The following FHIP1B variants were observed in gnomAD, a reference collection of about 807,000 sequenced individuals.
FHIP1B encodes the protein FHF complex subunit HOOK interacting protein 1B.
A neutral mutation model predicts 82.2 loss-of-function variants in FHIP1B; 28 were observed. The observed-to-expected ratio is 0.34, with a 90% CI of 0.25 to 0.47. The LOEUF is 0.47. FHIP1B is among the 20% of genes least tolerant of loss of function. The pLI, the probability that FHIP1B is intolerant of heterozygous loss-of-function variation, is 1.00. For synonymous variants in FHIP1B, 585 were observed against 516.1 expected (o/e 1.13, Z -1.81); for missense variants, 1,110 against 1,262.6 (o/e 0.88, Z 1.83).
At chr11:6,215,182 C>G in intron 9 of FHIP1B, 1 of 332,002 alleles carries the variant, frequency 3.0e-6, no homozygotes, top group Admixed American at 4.8e-5. Flanking sequence ...TCTGGTTTCA[C>G]TGGCTTTGCC....
Position 6,224,449 on chromosome 11 carries a change from G to A in FHIP1B, c.68C>T (p.Ala23Val), listed in dbSNP as rs769056724. 1 of 1,614,006 alleles carries A rather than the reference G, an allele frequency of 6.2e-7. No individual in the cohort carries two copies. The highest frequency in any genetic ancestry group is 1.7e-5 in the Admixed American group (1 of 60,008). ...AGCCATGACTGGGGTTTGGAGATTG[G>A]CCCCTTGAGGTATACGGTGCCCAGG... is the stretch of plus-strand genomic sequence containing the variant. The part of the protein sequence containing the change: ...RGPGHRIPQG[A>V]NLQTPVMADP... The change falls in exon 2 of 12, where the codon GCC becomes GTC. Residue 23 changes from alanine to valine, a missense_variant. Ala to Val is a moderately conservative substitution (Grantham distance 64). Coordinates refer to ENST00000449352, the MANE Select transcript of FHIP1B (RefSeq NM_001098794.2).
In FHIP1B at chr11:6,223,308, TAGTAATCCAG is replaced by T; in HGVS notation, c.778-80_778-71del. The T allele has an allele frequency of 6.7e-7, 1 of 1,482,830 alleles. No homozygotes were observed. The highest frequency in any genetic ancestry group is 2.2e-5 in the Admixed American group (1 of 44,450). 91.9% of individuals were successfully genotyped at this position (1,482,830 alleles called of 1,614,324 possible). A position where few individuals can be genotyped will look rare whatever the true frequency, so the allele number is the denominator to read the frequency against. ...AATATAAAAACTGGAACAGGGGAGC[TAGTAATCCAG>T]AGTTTTGATGGGAATAGGGGTATAA... On this transcript the variant is annotated intron_variant, in intron 3 of 11. Transcript: ENST00000449352. The surrounding 1 kb of genome is among the most constrained non-coding windows in gnomAD (Gnocchi z 4.8).
At chr11:6,212,013 A>C in intron 11 of FHIP1B, 146 bp from the exon 12 acceptor site, 1 of 1,389,528 alleles carries the variant, frequency 7.2e-7, no homozygotes, top group Non-Finnish European at 9.3e-7. Context: ...TGGACCAGAA[A>C]TGAACCTCAG....
chr11:6,219,130 C>CA, intron 6 of FHIP1B, 80 bp from the exon 7 acceptor site: 1 of 1,203,216 alleles, frequency 8.3e-7, no homozygotes, highest in Non-Finnish European at 1.2e-6. Flanking sequence ...GGAACCCCAC[C>CA]AGCCCCAAGT....
rs1437146371 is a variant in FHIP1B, at chr11:6,214,910, G to A, written c.2217C>T (p.Gly739=). The A allele has an allele frequency of 3.8e-6, 6 of 1,562,656 alleles. No individual in the cohort carries two copies. Among genetic ancestry groups the A allele is most frequent in the Non-Finnish European group, 5.2e-6 (6 of 1,151,546 alleles). ...LNQLPSQPFT[G]PFMAVLFAKL... ...TGGCAAAGAGCACAGCCATGAAGGGGCCTGGGTTGGGGGGGAGGTGGGCAC... is the reference window on the plus strand; with the variant it reads ...TGGCAAAGAGCACAGCCATGAAGGGACCTGGGTTGGGGGGGAGGTGGGCAC... The change falls in exon 10 of 12, where the codon GGC becomes GGT. Residue 739 remains glycine (G), a splice_region_variant and synonymous_variant. Coordinates refer to ENST00000449352, the MANE Select transcript of FHIP1B (RefSeq NM_001098794.2).
rs778421185 is a variant in FHIP1B at position 6,224,048 on chromosome 11, C to T, written c.339G>A (p.Gln113=). 8 of 1,613,342 alleles carry T rather than the reference C, an allele frequency of 5.0e-6. No individual in the cohort carries two copies. The Admixed American group carries it at 1.2e-4, about 24-fold the overall frequency. ...EDLLTRVLTW[Q]LQWDELGDGV... is the part of the protein sequence containing the mutation. ...CATCCCCAAGCTCATCCCATTGCAG[C>T]TGCCATGTCAACACACGGGTCAGCA... Residue 113 remains glutamine, a synonymous_variant, in exon 3 of 12, where the codon CAG becomes CAA. Transcript: ENST00000449352.
chr11:6,227,675 T>G (rs150762828), intron 1 of FHIP1B, among the ~76,000 whole-genome samples: 4 of 152,138 alleles, frequency 2.6e-5, no homozygotes, highest in Non-Finnish European at 5.9e-5. Flanking sequence ...TAGCAGCTTA[T>G]AGACAACTAT....
At position 6,221,776 on chromosome 11, in the gene FHIP1B, A is replaced by T. The variant is rs147119797; in HGVS notation, c.1191+666T>A. Reference sequence around the variant, plus strand: ...TTCCTTGGCCACCCTATTATTTCTAAGCACTCTAGTTTTTTCATAACCCTG... The same window carrying T: ...TTCCTTGGCCACCCTATTATTTCTATGCACTCTAGTTTTTTCATAACCCTG... On this transcript the variant is annotated intron_variant, in intron 6 of 11. Transcript: ENST00000449352. Among the ~76,000 whole-genome samples the T allele has an allele frequency of 1.9e-3, 287 of 152,218 alleles. 1 individual carries two copies. Among genetic ancestry groups the T allele is most frequent in the African/African-American group, 6.8e-3 (281 of 41,532 alleles).
chr11:6,233,136 G>A (rs1487964504), intron 1 of FHIP1B, among the ~76,000 whole-genome samples: 3 of 152,190 alleles, frequency 2.0e-5, no homozygotes, highest in Admixed American at 2.0e-4. Flanking sequence ...CTGGACTCCA[G>A]AAAGAAGCAA....
rs773466546 is a variant in FHIP1B at position 6,223,221 on chromosome 11, G to C, written c.795C>G (p.Leu265=). ...SYFCPVLATG[L]SALYSSLPRK... is the part of the protein sequence containing the mutation. ...GAGGCAGTGATGAGTACAGGGCACTGAGCCCTGTGGCCAGCACCTATGAGA... is the reference window on the plus strand; with the variant it reads ...GAGGCAGTGATGAGTACAGGGCACTCAGCCCTGTGGCCAGCACCTATGAGA... Residue 265 remains leucine (L), a synonymous_variant, in exon 4 of 12, where the codon CTC becomes CTG. Coordinates refer to ENST00000449352, the MANE Select transcript of FHIP1B (RefSeq NM_001098794.2). This position sits in a 1 kb window ranked among gnomAD's most constrained non-coding sequence, Gnocchi z 4.8. 2 of 1,589,142 alleles carry C rather than the reference G, an allele frequency of 1.3e-6. No homozygotes were observed. Among genetic ancestry groups the C allele is most frequent in the Non-Finnish European group, 1.7e-6 (2 of 1,174,260 alleles).
intron 1 of FHIP1B, among the ~76,000 whole-genome samples, chr11:6,230,259 C>A (rs1336281583): frequency 6.6e-6 from 1 of 152,158 alleles, no homozygotes; most frequent in Non-Finnish European, 1.5e-5. Flanking sequence ...ACCTGCAACA[C>A]CTACATTGGA....
Position 6,214,504 on chromosome 11 carries a change from A to G in FHIP1B, c.2464T>C (p.Ser822Pro). The change falls in exon 11 of 12, where the codon TCC becomes CCC. Residue 822 changes from serine (S) to proline (P), a missense_variant. Around this residue, in one of 6 missense-constraint regions of FHIP1B, gnomAD observed 147 missense variants for 154.0 expected, o/e 0.95. Coordinates refer to ENST00000449352, the MANE Select transcript of FHIP1B (RefSeq NM_001098794.2). Reference protein sequence around the residue: ...ASQEDFPALLSKAKKYLIARG... With the variant: ...ASQEDFPALLPKAKKYLIARG... Reference sequence around the variant, plus strand: ...GCAATGAGGTACTTCTTGGCTTTGGACAGCAGTGCTGGGAAGTCCTCCTGG... The same window carrying G: ...GCAATGAGGTACTTCTTGGCTTTGGGCAGCAGTGCTGGGAAGTCCTCCTGG... 1 of 1,614,186 alleles carries G rather than the reference A, an allele frequency of 6.2e-7. No individual in the cohort carries two copies. Among genetic ancestry groups the G allele is most frequent in the South Asian group, 1.1e-5 (1 of 91,092 alleles).
At chr11:6,212,976 T>G (rs1449210022) in intron 11 of FHIP1B, among the ~76,000 whole-genome samples, 1 of 152,222 alleles carries the variant, frequency 6.6e-6, no homozygotes, top group Non-Finnish European at 1.5e-5. Flanking sequence ...TGTCTTCCAC[T>G]GACTCCCAAT....
chr11:6,221,065 G>A (rs959414290), intron 6 of FHIP1B, among the ~76,000 whole-genome samples: 1 of 152,180 alleles, frequency 6.6e-6, no homozygotes, highest in Non-Finnish European at 1.5e-5. Flanking sequence ...CTGAGGTAGA[G>A]CTCAGAATCT....
chr11:6,215,040 T>A, intron 9 of FHIP1B, 129 bp from the exon 10 acceptor site: 1 of 915,782 alleles, frequency 1.1e-6, no homozygotes. Context: ...TGGGTATGTT[T>A]AAATATCCCG....
At position 6,223,258 on chromosome 11, in the gene FHIP1B, G is replaced by C; in HGVS notation, c.778-20C>G. On this transcript the variant is annotated intron_variant, in intron 3 of 11. Transcript: ENST00000449352. The surrounding 1 kb of genome is among the most constrained non-coding windows in gnomAD (Gnocchi z 4.8). The stretch of plus-strand genomic sequence containing the variant: ...CAGCACCTATGAGAAGTTACCAAAA[G>C]CTCATATATAAAATACATTTATAAA... 1.9e-6 allele frequency: 3 copies of C among 1,578,532 alleles called. No individual in the cohort carries two copies. Among genetic ancestry groups the C allele is most frequent in the Non-Finnish European group, 2.6e-6 (3 of 1,170,610 alleles).
intron 1 of FHIP1B, among the ~76,000 whole-genome samples, chr11:6,231,469 CTT>C (rs1167717523): frequency 1.2e-4 from 15 of 125,316 alleles, no homozygotes; most frequent in East Asian, 6.9e-4. Flanking sequence ...GATATATTTT[CTT>C]TTTTTTTTTT....
chr11:6,211,432 C>G lies in FHIP1B; in HGVS notation c.*74G>C, dbSNP rs1847068171. 6.7e-7 allele frequency: 1 copy of G among 1,498,434 alleles called. No individual in the cohort carries two copies. Among genetic ancestry groups the G allele is most frequent in the Non-Finnish European group, 8.9e-7 (1 of 1,126,442 alleles). 92.8% of individuals were successfully genotyped at this position (1,498,434 alleles called of 1,614,324 possible). On this transcript the variant is annotated 3_prime_UTR_variant, in exon 12 of 12. Coordinates refer to ENST00000449352, the MANE Select transcript of FHIP1B (RefSeq NM_001098794.2). ...TTAAAAAGTCCTTTTGCCACTGCCT[C>G]CAAACATAAAAAGGAGCCTGTGCCC... is the stretch of plus-strand genomic sequence containing the variant.
In FHIP1B at chr11:6,211,396, T is replaced by C; in HGVS notation, c.*110A>G. Reference sequence around the variant, plus strand: ...CAACAAGTTCTCCATAAAACATTCATCTGAAATAAATTAAAAAGTCCTTTT... The same window carrying C: ...CAACAAGTTCTCCATAAAACATTCACCTGAAATAAATTAAAAAGTCCTTTT... On this transcript the variant is annotated 3_prime_UTR_variant, in exon 12 of 12. Transcript: ENST00000449352. The C allele has an allele frequency of 7.6e-7, 1 of 1,321,164 alleles. No homozygotes were observed. Among genetic ancestry groups the C allele is most frequent in the South Asian group, 1.5e-5 (1 of 65,466 alleles). 81.8% of individuals were successfully genotyped at this position (1,321,164 alleles called of 1,614,324 possible).
Sources: gnomAD v4.1 joint callset for allele counts (sites outside exome capture counted in the v4.1 genomes callset) on GRCh38, gnomAD v4.1.1 for gene constraint, gnomAD v4.1.1 regional missense constraint, Gnocchi (gnomAD v3.1) non-coding constraint, MANE v1.5 for transcripts, NCBI Gene and HGNC (gene_info 2026-07-23, HGNC 2026-07-21) for gene names.